Variants in TNNI3K observed in about 807,000 individuals in gnomAD.
TNNI3K encodes TNNI3 interacting kinase, also known as serine/threonine-protein kinase TNNI3K.
TNNI3K carries 140 observed loss-of-function variants against 114.5 expected under a neutral mutation model. That is an observed-to-expected ratio of 1.22 (90% CI 1.07 to 1.41). The LOEUF (loss-of-function observed/expected upper bound fraction) is 1.41. Among genes scored for constraint, TNNI3K ranks in the 40% most tolerant of loss-of-function variants. The probability of loss-of-function intolerance (pLI) is 0.00; values close to 1 mark genes in which losing one functional copy is unlikely to be tolerated. For synonymous variants in TNNI3K, 347 were observed against 347.5 expected (o/e 1.00, Z 0.02); for missense variants, 1,125 against 1,007.6 (o/e 1.12, Z -1.58).
At chr1:74,502,319 A>G (rs1451362922) in intron 23 of TNNI3K, among the ~76,000 whole-genome samples, 3 of 152,234 alleles carry the variant, frequency 2.0e-5, no homozygotes, top group African/African-American at 7.2e-5. Context: ...TGTGATGTAC[A>G]TGAACATAAT....
chr1:74,488,259 C>A (rs147257833), intron 21 of TNNI3K, among the ~76,000 whole-genome samples: 82 of 152,188 alleles, frequency 5.4e-4, no homozygotes, highest in African/African-American at 2.0e-3. Flanking sequence ...CACTCCACTG[C>A]TCCCACTGCT....
chr1:74,331,884 A>G lies in TNNI3K; in HGVS notation c.543+336A>G, dbSNP rs559474563. On this transcript the variant is annotated intron_variant, in intron 6 of 24. Transcript: ENST00000326637. Reference sequence around the variant, plus strand: ...CTCTGATCTTCATTTATTCACCTATAAAATGGGGAAAGATATTAATTATAA... The same window carrying G: ...CTCTGATCTTCATTTATTCACCTATGAAATGGGGAAAGATATTAATTATAA... Among the ~76,000 whole-genome samples the G allele has an allele frequency of 2.4e-3, 370 of 152,258 alleles. 1 individual carries two copies. The highest frequency in any genetic ancestry group is 4.4e-3 in the Non-Finnish European group (300 of 68,008).
chr1:74,276,184 A>G (rs1246687042), intron 5 of TNNI3K, among the ~76,000 whole-genome samples: 1 of 152,128 alleles, frequency 6.6e-6, no homozygotes, highest in African/African-American at 2.4e-5. Flanking sequence ...TCAAGTGGAA[A>G]TGTTCATTAA....
At chr1:74,403,535 G>T (rs1664472315) in intron 17 of TNNI3K, among the ~76,000 whole-genome samples, 1 of 152,010 alleles carries the variant, frequency 6.6e-6, no homozygotes, top group Non-Finnish European at 1.5e-5. Flanking sequence ...TATTATTATT[G>T]TCTACTATTA....
intron 9 of TNNI3K, among the ~76,000 whole-genome samples, chr1:74,352,527 T>A (rs1218904473): frequency 6.6e-6 from 1 of 152,210 alleles, no homozygotes; most frequent in African/African-American, 2.4e-5. Context: ...CTACAGAGGT[T>A]ATTGCTGTCT....
At chr1:74,410,987 T>C (rs1664852344) in intron 17 of TNNI3K, among the ~76,000 whole-genome samples, 1 of 152,224 alleles carries the variant, frequency 6.6e-6, no homozygotes, top group Non-Finnish European at 1.5e-5. Flanking sequence ...GGAAATAATT[T>C]TTTTTGTCTT....
chr1:74,350,095 T>A (rs368810815), intron 9 of TNNI3K, among the ~76,000 whole-genome samples: 1 of 152,222 alleles, frequency 6.6e-6, no homozygotes, highest in African/African-American at 2.4e-5. Context: ...TCCTGCTTTC[T>A]CTTGTGGGCA....
chr1:74,530,848 A>T (rs1646573471), intron 23 of TNNI3K, among the ~76,000 whole-genome samples: 1 of 152,022 alleles, frequency 6.6e-6, no homozygotes, highest in Non-Finnish European at 1.5e-5. Flanking sequence ...TGGTTTGCTC[A>T]GCTGACTCAT....
rs116467577 is a variant in TNNI3K at position 74,337,517 on chromosome 1, T to A, written c.682+1368T>A. ...AGTGAAAGTAAAGAGTTCTCTTAGA[T>A]GAATTAGATGTCTTCACTGTTGTTC... On this transcript the variant is annotated intron_variant, in intron 7 of 24. Coordinates refer to ENST00000326637, the MANE Select transcript of TNNI3K (RefSeq NM_015978.3). 6.1e-3 allele frequency among the ~76,000 whole-genome samples: 925 copies of A among 152,306 alleles called. 11 individuals are homozygous for A. Among genetic ancestry groups the A allele is most frequent in the African/African-American group, 0.021 (885 of 41,568 alleles).
chr1:74,491,071 A>C (rs1191997322), intron 22 of TNNI3K, among the ~76,000 whole-genome samples: 1 of 152,170 alleles, frequency 6.6e-6, no homozygotes, highest in African/African-American at 2.4e-5. Flanking sequence ...GAGCCTTTTA[A>C]AGGAATAATT....
chr1:74,293,612 G>A (rs1398831959), intron 5 of TNNI3K, among the ~76,000 whole-genome samples: 4 of 151,488 alleles, frequency 2.6e-5, no homozygotes, highest in Admixed American at 2.6e-4. Context: ...ACATTTTAAT[G>A]ATTTATATTT....
chr1:74,362,954 A>G (rs1467187712), intron 11 of TNNI3K, among the ~76,000 whole-genome samples: 1 of 152,156 alleles, frequency 6.6e-6, no homozygotes, highest in Non-Finnish European at 1.5e-5. Flanking sequence ...AGTGCAGATC[A>G]TCATTAGAGT....
chr1:74,387,097 A>T (rs1002841093), intron 17 of TNNI3K, among the ~76,000 whole-genome samples: 1 of 152,194 alleles, frequency 6.6e-6, no homozygotes, highest in Non-Finnish European at 1.5e-5. Flanking sequence ...TTTTTGCTGA[A>T]AGAAAGCTGT....
intron 5 of TNNI3K, among the ~76,000 whole-genome samples, chr1:74,330,359 T>A (rs985813300): frequency 1.2e-4 from 19 of 152,116 alleles, no homozygotes; most frequent in African/African-American, 4.3e-4. Context: ...TAGACACTTA[T>A]CAGCCCAGAG....
At chr1:74,541,810 G>T (rs555613867) in intron 24 of TNNI3K, among the ~76,000 whole-genome samples, 285 of 152,246 alleles carry the variant, frequency 1.9e-3, no homozygotes, top group Middle Eastern at 0.01. Context: ...AGATACATTC[G>T]ATATCTCCCA....
At chr1:74,309,228 C>T (rs868759901) in intron 5 of TNNI3K, among the ~76,000 whole-genome samples, 6 of 148,954 alleles carry the variant, frequency 4.0e-5, no homozygotes, top group African/African-American at 1.2e-4. Flanking sequence ...ATTAGCCGGG[C>T]GAGGTGGCGG....
At chr1:74,399,971 G>A (rs538467825) in intron 17 of TNNI3K, among the ~76,000 whole-genome samples, 11 of 152,258 alleles carry the variant, frequency 7.2e-5, no homozygotes, top group African/African-American at 7.2e-5. Flanking sequence ...GAAACAGGTC[G>A]CTATTGGGGA....
chr1:74,269,119 A>G (rs143892901), intron 4 of TNNI3K, among the ~76,000 whole-genome samples: 47 of 151,976 alleles, frequency 3.1e-4, no homozygotes, highest in African/African-American at 9.4e-4. Flanking sequence ...TTTGCCATCT[A>G]CCATTTATCT....
chr1:74,458,870 A>C (rs914152734), intron 20 of TNNI3K, among the ~76,000 whole-genome samples: 1 of 152,190 alleles, frequency 6.6e-6, no homozygotes, highest in Non-Finnish European at 1.5e-5. Context: ...GGCAGTGAGC[A>C]TAGTACCCAA....
Sources: allele counts gnomAD v4.1 joint callset (sites outside exome capture counted in the v4.1 genomes callset), GRCh38; gene constraint gnomAD v4.1.1; transcripts MANE v1.5; gene names NCBI Gene and HGNC (gene_info 2026-07-23, HGNC 2026-07-21).